GALM: variants seen among roughly 807,000 people sequenced by gnomAD.
GALM encodes the protein galactose mutarotase.
In GALM, 43 loss-of-function variants were observed where a neutral mutation model predicts 37.4. That is an observed-to-expected ratio of 1.15 (90% CI 0.90 to 1.48). The LOEUF is 1.48. Among genes scored for constraint, GALM ranks in the 40% most tolerant of loss-of-function variants. The pLI, the probability that GALM is intolerant of heterozygous loss-of-function variation, is 0.00. For missense variants in GALM, 456 were observed against 419.1 expected, an observed-to-expected ratio of 1.09 and a Z score of -0.77; for synonymous variants, 199 against 170.6, an observed-to-expected ratio of 1.17 and a Z score of -1.30.
rs202010853 is a variant in GALM, at chr2:38,702,932, TTATA to T, written c.634+13053_634+13056del. 4.4e-5 allele frequency among the ~76,000 whole-genome samples: 6 copies of T among 134,874 alleles called. No individual in the cohort carries two copies. The South Asian group carries it at 7.1e-4, about 16-fold the overall frequency. The allele number at this position is 134,874 out of a possible 152,430, so 88.5% of individuals were successfully genotyped here. A position where few individuals can be genotyped will look rare whatever the true frequency, so the allele number is the denominator to read the frequency against. On this transcript the variant is annotated intron_variant, in intron 4 of 6. Transcript: ENST00000272252. ...CACTTTATTTATATATATATACTTT[TTATA>T]TATATATATATATAATATGTGTAAT...
chr2:38,717,641 C>G lies in GALM; in HGVS notation c.635-11915C>G, dbSNP rs142206688. 5.0e-3 allele frequency among the ~76,000 whole-genome samples: 760 copies of G among 151,950 alleles called. 8 individuals are homozygous for G. Among genetic ancestry groups the G allele is most frequent in the African/African-American group, 0.017 (710 of 41,416 alleles). ...TCTCGAACTCCCGGCCTCAAGTGAT[C>G]CCCGCTGCCTCAGCCTCCCAAAGTG... On this transcript the variant is annotated intron_variant, in intron 4 of 6. Coordinates refer to ENST00000272252, the MANE Select transcript of GALM (RefSeq NM_138801.3).
At position 38,733,589 on chromosome 2, in the gene GALM, TC is replaced by T; in HGVS notation, c.*26del. 1 of 1,577,170 alleles carries T rather than the reference TC, an allele frequency of 6.3e-7. No homozygotes were observed. Among genetic ancestry groups the T allele is most frequent in the Non-Finnish European group, 8.7e-7 (1 of 1,146,696 alleles). ...AAGGAAGTGTGAAGATATGATCCAG[TC>T]CAGGGCTAGGCTCAGCCACCTGTCT... On this transcript the variant is annotated 3_prime_UTR_variant, in exon 7 of 7. Coordinates refer to ENST00000272252, the MANE Select transcript of GALM (RefSeq NM_138801.3).
intron 4 of GALM, among the ~76,000 whole-genome samples, chr2:38,698,908 G>A (rs1665863144): frequency 2.0e-5 from 3 of 152,006 alleles, no homozygotes; most frequent in African/African-American, 7.3e-5. Context: ...ACTGTGTCCA[G>A]CTGTTATTAT....
At chr2:38,708,746 AAAAG>A (rs909974278) in intron 4 of GALM, among the ~76,000 whole-genome samples, 8 of 151,970 alleles carry the variant, frequency 5.3e-5, no homozygotes, top group African/African-American at 1.7e-4. Flanking sequence ...AAAAAAAAAA[AAAAG>A]AAAGTGCTGT....
chr2:38,719,050 G>A (rs867339049), intron 4 of GALM, among the ~76,000 whole-genome samples: 15 of 152,032 alleles, frequency 9.9e-5, no homozygotes, highest in South Asian at 6.4e-4. Context: ...CTAGGAGCCT[G>A]TAGAATGTGT....
chr2:38,721,105 G>A (rs1395551133), intron 4 of GALM, among the ~76,000 whole-genome samples: 1 of 152,200 alleles, frequency 6.6e-6, no homozygotes, highest in Admixed American at 6.5e-5. Context: ...AAGCAGTCAT[G>A]GGGAAAAGGC....
intron 4 of GALM, among the ~76,000 whole-genome samples, chr2:38,714,360 G>A (rs536315156): frequency 5.9e-5 from 9 of 152,116 alleles, no homozygotes; most frequent in East Asian, 5.8e-4. Flanking sequence ...GACTACAGGC[G>A]TGCACCACCA....
At chr2:38,681,010 CCTGTAAT>C (rs1314486150) in intron 2 of GALM, among the ~76,000 whole-genome samples, 4 of 151,934 alleles carry the variant, frequency 2.6e-5, no homozygotes, top group African/African-American at 9.7e-5. Context: ...GTGGCTCATG[CCTGTAAT>C]CATACTCGGG....
At chr2:38,689,114 C>G (rs776192696) in intron 3 of GALM, among the ~76,000 whole-genome samples, 1 of 152,190 alleles carries the variant, frequency 6.6e-6, no homozygotes, top group Non-Finnish European at 1.5e-5. Context: ...GCCACCGCGC[C>G]CGGCCTCATT....
rs2148462196 is a variant in GALM at position 38,734,456 on chromosome 2, A to T, written c.*891A>T. 1 of 151,964 alleles carries T rather than the reference A, an allele frequency of 6.6e-6. No homozygotes were observed. Among genetic ancestry groups the T allele is most frequent in the African/African-American group, 2.4e-5 (1 of 41,394 alleles). The allele number at this position is 151,964 out of a possible 1,614,324, so 9.4% of individuals were successfully genotyped here. ...GAGAGGGAGGGGACTTCCGAGAGGA[A>T]AAGGCCTGCAAGAGCCTTTGGGTTA... On this transcript the variant is annotated 3_prime_UTR_variant, in exon 7 of 7. Coordinates refer to ENST00000272252, the MANE Select transcript of GALM (RefSeq NM_138801.3).
At chr2:38,684,254 G>A (rs556768381) in intron 3 of GALM, among the ~76,000 whole-genome samples, 37 of 152,280 alleles carry the variant, frequency 2.4e-4, no homozygotes, top group African/African-American at 6.7e-4. Flanking sequence ...GGGGAGGAGG[G>A]GAGAACTGGC....
intron 1 of GALM, among the ~76,000 whole-genome samples, chr2:38,672,526 C>G (rs1489536977): frequency 6.6e-6 from 1 of 151,912 alleles, no homozygotes; most frequent in Non-Finnish European, 1.5e-5. Context: ...AACCAGAAAG[C>G]CTGCGCTTTT....
intron 4 of GALM, among the ~76,000 whole-genome samples, chr2:38,695,229 C>T (rs1280890258): frequency 6.6e-6 from 1 of 151,968 alleles, no homozygotes; most frequent in Non-Finnish European, 1.5e-5. Flanking sequence ...TGAGACCAGC[C>T]TTGGCAACAC....
At chr2:38,692,064 A>G (rs1422307386) in intron 4 of GALM, among the ~76,000 whole-genome samples, 1 of 152,156 alleles carries the variant, frequency 6.6e-6, no homozygotes, top group Non-Finnish European at 1.5e-5. Flanking sequence ...ATGACATTTT[A>G]CTGCTATTTC....
chr2:38,689,986 T>G, intron 4 of GALM, 92 bp downstream of exon 4: 1 of 705,348 alleles, frequency 1.4e-6, no homozygotes, highest in Non-Finnish European at 2.5e-6. Flanking sequence ...GGTGAAATCT[T>G]AATAAAGTCT....
intron 4 of GALM, among the ~76,000 whole-genome samples, chr2:38,707,434 G>T (rs1325170875): frequency 1.3e-5 from 2 of 152,170 alleles, no homozygotes; most frequent in Non-Finnish European, 2.9e-5. Context: ...ATGGCCAGGG[G>T]TAGAAGGCAA....
At chr2:38,714,208 T>C (rs1257397986) in intron 4 of GALM, among the ~76,000 whole-genome samples, 2 of 152,004 alleles carry the variant, frequency 1.3e-5, no homozygotes, top group East Asian at 3.9e-4. Flanking sequence ...TTGGGGTTTT[T>C]TTTGCGGGGG....
intron 4 of GALM, among the ~76,000 whole-genome samples, chr2:38,703,459 A>T (rs1360012827): frequency 6.6e-6 from 1 of 151,972 alleles, no homozygotes; most frequent in Non-Finnish European, 1.5e-5. Flanking sequence ...TCAGAAAACC[A>T]AGATATAGGT....
At chr2:38,680,445 G>T (rs1665368875) in intron 2 of GALM, among the ~76,000 whole-genome samples, 1 of 152,138 alleles carries the variant, frequency 6.6e-6, no homozygotes, top group South Asian at 2.1e-4. Context: ...TTATGAAAGA[G>T]ATTAATGCCT....
Sources: gnomAD v4.1 joint callset for allele counts (sites outside exome capture counted in the v4.1 genomes callset) on GRCh38, gnomAD v4.1.1 for gene constraint, MANE v1.5 for transcripts, NCBI Gene and HGNC (gene_info 2026-07-23, HGNC 2026-07-21) for gene names.